The following NRG3 variants were observed in gnomAD, a reference collection of about 807,000 sequenced individuals.
The protein encoded by NRG3 is neuregulin 3.
A neutral mutation model predicts 66.9 loss-of-function variants in NRG3; 31 were observed. The observed-to-expected ratio is 0.46, with a 90% CI of 0.35 to 0.63. NRG3 has a LOEUF of 0.63. NRG3 is among the 20% of genes least tolerant of loss of function. NRG3 has a pLI of 0.00. For synonymous variants in NRG3, 393 were observed against 359.4 expected, an observed-to-expected ratio of 1.09 and a Z score of -1.06; for missense variants, 910 against 878.9, an observed-to-expected ratio of 1.04 and a Z score of -0.45.
intron 2 of NRG3, among the ~76,000 whole-genome samples, chr10:82,457,457 T>C (rs919446014): frequency 2.6e-5 from 4 of 152,112 alleles, no homozygotes; most frequent in Middle Eastern, 3.2e-3. Flanking sequence ...CAGGTGGTAA[T>C]GCTCGCTTAC....
intron 1 of NRG3, among the ~76,000 whole-genome samples, chr10:82,267,246 C>T (rs1205851204): frequency 6.6e-6 from 1 of 152,154 alleles, no homozygotes; most frequent in African/African-American, 2.4e-5. Context: ...CTGACTATCA[C>T]ATGCATACAC....
At chr10:82,375,796 C>G (rs1205816607) in intron 2 of NRG3, among the ~76,000 whole-genome samples, 1 of 152,056 alleles carries the variant, frequency 6.6e-6, no homozygotes, top group Non-Finnish European at 1.5e-5. Flanking sequence ...TAGGTCTCCT[C>G]GAATTCTAAA....
chr10:82,621,900 A>T (rs748304192), intron 2 of NRG3, among the ~76,000 whole-genome samples: 2 of 152,212 alleles, frequency 1.3e-5, no homozygotes, highest in African/African-American at 2.4e-5. Flanking sequence ...CCAGTGGTAG[A>T]TAACGTAGAA....
intron 4 of NRG3, among the ~76,000 whole-genome samples, chr10:82,913,556 C>A (rs1009811937): frequency 6.6e-6 from 1 of 152,116 alleles, no homozygotes; most frequent in Admixed American, 6.6e-5. Context: ...GATTAAATTT[C>A]ACTGGCTACA....
intron 2 of NRG3, among the ~76,000 whole-genome samples, chr10:82,407,931 T>A (rs1035076022): frequency 6.6e-6 from 1 of 151,662 alleles, no homozygotes; most frequent in African/African-American, 2.4e-5. Context: ...TAGTCAGGCA[T>A]GATGGTGCGT....
chr10:82,846,579 A>G lies in NRG3; in HGVS notation c.1028-18832A>G, dbSNP rs2063318551. Among the ~76,000 whole-genome samples the G allele has an allele frequency of 2.6e-5, 4 of 152,222 alleles. No homozygotes were observed. In the South Asian group the frequency reaches 8.3e-4, roughly 31 times the overall value. ...AGGACTGCCAAAAATTCAAAGGTAG[A>G]AGATTCTCTGCTTGAAAAAGCAGAA... is the stretch of plus-strand genomic sequence containing the variant. On this transcript the variant is annotated intron_variant, in intron 3 of 8. Coordinates refer to ENST00000372141, the MANE Select transcript of NRG3 (RefSeq NM_001010848.4).
chr10:82,141,984 A>G (rs2069824967), intron 1 of NRG3, among the ~76,000 whole-genome samples: 1 of 152,156 alleles, frequency 6.6e-6, no homozygotes, highest in African/African-American at 2.4e-5. Context: ...ACATTTTATG[A>G]TGCTTTATAA....
At chr10:82,472,910 T>C (rs1013846741) in intron 2 of NRG3, among the ~76,000 whole-genome samples, 12 of 152,332 alleles carry the variant, frequency 7.9e-5, no homozygotes, top group African/African-American at 2.9e-4. Context: ...CTGCCTTTTC[T>C]GTGGGTAAAT....
chr10:82,318,236 A>G (rs1167018852), intron 1 of NRG3, among the ~76,000 whole-genome samples: 8 of 152,120 alleles, frequency 5.3e-5, no homozygotes. Flanking sequence ...TTCATCTTGT[A>G]GCCATCTTAT....
intron 4 of NRG3, among the ~76,000 whole-genome samples, chr10:82,938,413 C>CTA (rs1848281934): frequency 2.0e-5 from 3 of 152,200 alleles, no homozygotes; most frequent in Non-Finnish European, 4.4e-5. Context: ...GTCCATATGC[C>CTA]TGCTCTATGC....
rs759225825 is a variant in NRG3 at position 81,875,946 on chromosome 10, T to G, written c.606T>G (p.Ser202Arg). 6.2e-7 allele frequency: 1 copy of G among 1,613,858 alleles called. No homozygotes were observed. Among genetic ancestry groups the G allele is most frequent in the South Asian group, 1.1e-5 (1 of 91,078 alleles). ...TVPSTTAPFF[S>R]SSTLGSRPPV... ...CGTCCACCACGGCCCCGTTCTTCAG[T>G]AGCAGCACGCTGGGCTCCCGACCCC... Residue 202 changes from serine (S) to arginine (R), a missense_variant, in exon 1 of 9, where the codon AGT becomes AGG. Coordinates refer to ENST00000372141, the MANE Select transcript of NRG3 (RefSeq NM_001010848.4). This position sits in a 1 kb window ranked among gnomAD's most constrained non-coding sequence, Gnocchi z 5.3.
At chr10:82,867,547 C>T (rs912213443) in intron 4 of NRG3, among the ~76,000 whole-genome samples, 3 of 150,444 alleles carry the variant, frequency 2.0e-5, no homozygotes, top group African/African-American at 7.5e-5. Context: ...AGAAACTGTA[C>T]GTTAGAAGCC....
rs187262208 is a variant in NRG3 at position 82,558,650 on chromosome 10, A to C, written c.954-179927A>C. 1.0e-3 allele frequency among the ~76,000 whole-genome samples: 156 copies of C among 152,350 alleles called. 1 individual carries two copies. Among genetic ancestry groups the C allele is most frequent in the South Asian group, 3.7e-3 (18 of 4,834 alleles). ...ACCTGATGTGCCAGAAATAAGATGC[A>C]TGACAACTCATAATGCAAAGACGTC... On this transcript the variant is annotated intron_variant, in intron 2 of 8. Transcript: ENST00000372141.
chr10:82,582,179 G>T (rs2046391807), intron 2 of NRG3, among the ~76,000 whole-genome samples: 1 of 152,064 alleles, frequency 6.6e-6, no homozygotes, highest in Non-Finnish European at 1.5e-5. Flanking sequence ...TGCTTTGGCT[G>T]CTACGAACAG....
chr10:81,942,761 C>G (rs1462491622), intron 1 of NRG3, among the ~76,000 whole-genome samples: 1 of 152,092 alleles, frequency 6.6e-6, no homozygotes, highest in Non-Finnish European at 1.5e-5. Flanking sequence ...TCACATTATA[C>G]TAACACATAA....
chr10:82,492,585 T>A (rs770414607), intron 2 of NRG3, among the ~76,000 whole-genome samples: 2 of 152,166 alleles, frequency 1.3e-5, no homozygotes, highest in East Asian at 3.9e-4. Context: ...ATCTTGGAGC[T>A]AAAAGTAGTC....
intron 2 of NRG3, among the ~76,000 whole-genome samples, chr10:82,527,325 AT>A (rs397844783): frequency 4.4e-5 from 3 of 68,118 alleles, no homozygotes; most frequent in Admixed American, 3.1e-4. Context: ...AAAAAAAAAT[AT>A]TAGTAAATAT....
intron 1 of NRG3, among the ~76,000 whole-genome samples, chr10:82,347,253 T>G (rs2083090188): frequency 6.7e-6 from 1 of 149,122 alleles, no homozygotes; most frequent in African/African-American, 2.6e-5. Flanking sequence ...TCCCAGAGAT[T>G]CTGGTATGTT....
intron 1 of NRG3, among the ~76,000 whole-genome samples, chr10:82,194,949 C>G (rs2074368820): frequency 6.6e-6 from 1 of 152,084 alleles, no homozygotes; most frequent in South Asian, 2.1e-4. Flanking sequence ...TCTCCCTTTC[C>G]TTGGCTATTT....
Sources: allele counts gnomAD v4.1 joint callset (sites outside exome capture counted in the v4.1 genomes callset), GRCh38; gene constraint gnomAD v4.1.1; non-coding constraint Gnocchi (gnomAD v3.1); transcripts MANE v1.5; gene names NCBI Gene and HGNC (gene_info 2026-07-23, HGNC 2026-07-21).